The following PGGT1B variants were observed in gnomAD, a reference collection of about 807,000 sequenced individuals.
PGGT1B encodes geranylgeranyl transferase type-1 subunit beta.
PGGT1B carries 30 observed loss-of-function variants against 46.1 expected under a neutral mutation model. The observed-to-expected ratio is 0.65, with a 90% CI of 0.49 to 0.88. The LOEUF is 0.88. Among genes scored for constraint, PGGT1B ranks in the 40% least tolerant of loss-of-function variants. PGGT1B has a pLI of 0.00. For synonymous variants in PGGT1B, 170 were observed against 160.0 expected (o/e 1.06, Z -0.47); for missense variants, 376 against 455.9 (o/e 0.82, Z 1.60).
At chr5:115,253,496 T>C (rs562215526) in intron 1 of PGGT1B, among the ~76,000 whole-genome samples, 11 of 152,062 alleles carry the variant, frequency 7.2e-5, no homozygotes, top group South Asian at 4.1e-4. Flanking sequence ...TCCTACCCCA[T>C]TGACACAAAC....
chr5:115,260,436 G>A (rs1748506358), intron 1 of PGGT1B, among the ~76,000 whole-genome samples: 1 of 152,134 alleles, frequency 6.6e-6, no homozygotes, highest in Admixed American at 6.5e-5. Context: ...GGTAAGAGTT[G>A]TGGCTTGCCC....
At chr5:115,261,932 C>T (rs1456455521) in intron 1 of PGGT1B, among the ~76,000 whole-genome samples, 2 of 152,198 alleles carry the variant, frequency 1.3e-5, no homozygotes, top group African/African-American at 4.8e-5. Context: ...CAAAGCTCCC[C>T]AAACTGATCC....
chr5:115,217,523 A>G (rs774913163), intron 7 of PGGT1B, among the ~76,000 whole-genome samples: 33 of 152,188 alleles, frequency 2.2e-4, no homozygotes, highest in South Asian at 6.2e-4. Flanking sequence ...ATGATTTAGG[A>G]CATGTACTTG....
Position 115,253,208 on chromosome 5 carries a change from G to C in PGGT1B, c.188C>G (p.Ser63Cys), listed in dbSNP as rs1292493379. 3.1e-6 allele frequency: 5 copies of C among 1,599,890 alleles called. No individual in the cohort carries two copies. In the Admixed American group the frequency reaches 7.1e-5, roughly 23 times the overall value. ...FALSGLDMLD[S>C]LDVVNKDDII... ...ATCATCTTTGTTCACCACATCTAAG[G>C]AATCCAACATATCCAGCCCGGAGAG... The change falls in exon 2 of 9, where the codon TCC becomes TGC. Residue 63 changes from serine to cysteine, a missense_variant. Transcript: ENST00000419445.
rs370657057 is a variant in PGGT1B at position 115,241,620 on chromosome 5, G to A, written c.260-14C>T. ...TTAGATTTGATCCTAGAAAATAAAA[G>A]CATGTGCTTATTTAAAGTACACTTT... is the stretch of plus-strand genomic sequence containing the variant. On this transcript the variant is annotated splice_polypyrimidine_tract_variant and intron_variant, in intron 2 of 8. Coordinates refer to ENST00000419445, the MANE Select transcript of PGGT1B (RefSeq NM_005023.4). 5 of 1,592,458 alleles carry A rather than the reference G, an allele frequency of 3.1e-6. No individual in the cohort carries two copies. In the African/African-American group the frequency reaches 6.8e-5, roughly 22 times the overall value.
chr5:115,213,426 AT>A (rs1006705796), intron 8 of PGGT1B, among the ~76,000 whole-genome samples: 1 of 152,080 alleles, frequency 6.6e-6, no homozygotes, highest in African/African-American at 2.4e-5. Flanking sequence ...ACCAGTCAAA[AT>A]TTTTTTCTAT....
At chr5:115,262,478 G>C in intron 1 of PGGT1B, 2 of 518,794 alleles carry the variant, frequency 3.9e-6, no homozygotes, top group South Asian at 2.6e-5. Context: ...GAAGAAAAGG[G>C]AAGTGAAAAA....
chr5:115,239,380 C>G (rs1051843156), intron 3 of PGGT1B, among the ~76,000 whole-genome samples: 1 of 152,124 alleles, frequency 6.6e-6, no homozygotes, highest in African/African-American at 2.4e-5. Context: ...ACAAATGTAC[C>G]AAGCAAATTT....
At chr5:115,236,229 G>C (rs994360871) in intron 5 of PGGT1B, among the ~76,000 whole-genome samples, 161 bp downstream of exon 5, 1 of 152,036 alleles carries the variant, frequency 6.6e-6, no homozygotes, top group Admixed American at 6.5e-5. Flanking sequence ...TGCACTTTAA[G>C]ATTATTTCTT....
chr5:115,219,240 C>T (rs557488967), intron 7 of PGGT1B, among the ~76,000 whole-genome samples: 37 of 151,948 alleles, frequency 2.4e-4, no homozygotes, highest in Admixed American at 1.1e-3. Flanking sequence ...AGTACTGGCA[C>T]AAGGGCAGCC....
At chr5:115,245,038 T>C (rs1747768480) in intron 2 of PGGT1B, among the ~76,000 whole-genome samples, 1 of 152,202 alleles carries the variant, frequency 6.6e-6, no homozygotes, top group Non-Finnish European at 1.5e-5. Flanking sequence ...AAGGGTATCC[T>C]TTCAAGTTAC....
Position 115,206,906 on chromosome 5 carries a change from A to G in PGGT1B, c.*5496T>C, listed in dbSNP as rs1408766359. The G allele has an allele frequency of 6.6e-6, 1 of 151,782 alleles. No homozygotes were observed. The highest frequency in any genetic ancestry group is 1.5e-5 in the Non-Finnish European group (1 of 67,832). 9.4% of individuals were successfully genotyped at this position (151,782 alleles called of 1,614,324 possible). On this transcript the variant is annotated 3_prime_UTR_variant, in exon 9 of 9. Coordinates refer to ENST00000419445, the MANE Select transcript of PGGT1B (RefSeq NM_005023.4). ...ATGGTTATTCTAGTATGTTCTCTCAAATAACAATATAATTTTTATTGGAAT... is the reference window on the plus strand; with the variant it reads ...ATGGTTATTCTAGTATGTTCTCTCAGATAACAATATAATTTTTATTGGAAT...
In PGGT1B at chr5:115,262,782, G is replaced by C; in HGVS notation, c.70C>G (p.Arg24Gly). Residue 24 changes from arginine to glycine, a missense_variant, in exon 1 of 9, where the codon CGG becomes GGG. Coordinates refer to ENST00000419445, the MANE Select transcript of PGGT1B (RefSeq NM_005023.4). ...EGERLDFLRD[R>G]HVRFFQRCLQ... ...CAGCGCTGGAAAAATCGCACGTGCC[G>C]ATCCCGTAAGAAATCCAGCCGCTCT... 3 of 1,613,360 alleles carry C rather than the reference G, an allele frequency of 1.9e-6. No individual in the cohort carries two copies. The highest frequency in any genetic ancestry group is 2.5e-6 in the Non-Finnish European group (3 of 1,179,848).
intron 3 of PGGT1B, among the ~76,000 whole-genome samples, chr5:115,240,385 T>C (rs541834825): frequency 1.3e-5 from 2 of 152,356 alleles, no homozygotes; most frequent in South Asian, 2.1e-4. Flanking sequence ...TATAGTACTA[T>C]ATAACGGTCA....
At position 115,207,645 on chromosome 5, in the gene PGGT1B, A is replaced by G. The variant is rs1308616944; in HGVS notation, c.*4757T>C. ...GATATTTTTATGTAAATTGTATTTAATAGCTACTTTACTAAGTTCTTTTAT... is the reference window on the plus strand; with the variant it reads ...GATATTTTTATGTAAATTGTATTTAGTAGCTACTTTACTAAGTTCTTTTAT... On this transcript the variant is annotated 3_prime_UTR_variant, in exon 9 of 9. Transcript: ENST00000419445. 3 of 152,048 alleles carry G rather than the reference A, an allele frequency of 2.0e-5. No homozygotes were observed. Among genetic ancestry groups the G allele is most frequent in the African/African-American group, 7.2e-5 (3 of 41,430 alleles). 9.4% of individuals were successfully genotyped at this position (152,048 alleles called of 1,614,324 possible). A position where few individuals can be genotyped will look rare whatever the true frequency, so the allele number is the denominator to read the frequency against.
In PGGT1B at chr5:115,205,013, T is replaced by A. The variant is rs890372307; in HGVS notation, c.*7389A>T. On this transcript the variant is annotated 3_prime_UTR_variant, in exon 9 of 9. Transcript: ENST00000419445. ...AATTGCTGAAACTTAAATGACAAGA[T>A]GAAAATCCATTAACAGGCTAGCATA... 1 of 152,172 alleles carries A rather than the reference T, an allele frequency of 6.6e-6. No individual in the cohort carries two copies. The highest frequency in any genetic ancestry group is 2.4e-5 in the African/African-American group (1 of 41,462). The allele number at this position is 152,172 out of a possible 1,614,324, so 9.4% of individuals were successfully genotyped here. A position where few individuals can be genotyped will look rare whatever the true frequency, so the allele number is the denominator to read the frequency against.
chr5:115,220,431 G>A (rs1756552951), intron 7 of PGGT1B, among the ~76,000 whole-genome samples: 1 of 151,766 alleles, frequency 6.6e-6, no homozygotes, highest in Admixed American at 6.6e-5. Context: ...CAGAGGAGAG[G>A]TTACCAGGCT....
At chr5:115,231,975 T>G (rs1561476596) in intron 5 of PGGT1B, among the ~76,000 whole-genome samples, 1 of 152,060 alleles carries the variant, frequency 6.6e-6, no homozygotes, top group Non-Finnish European at 1.5e-5. Flanking sequence ...CTGTTAGGAA[T>G]TGGTCATTGC....
At position 115,204,621 on chromosome 5, in the gene PGGT1B, A is replaced by C. The variant is rs1312532508; in HGVS notation, c.*7781T>G. 1.3e-5 allele frequency: 2 copies of C among 152,176 alleles called. No homozygotes were observed. The highest frequency in any genetic ancestry group is 2.9e-5 in the Non-Finnish European group (2 of 68,024). The allele number at this position is 152,176 out of a possible 1,614,324, so 9.4% of individuals were successfully genotyped here. A position where few individuals can be genotyped will look rare whatever the true frequency, so the allele number is the denominator to read the frequency against. On this transcript the variant is annotated 3_prime_UTR_variant, in exon 9 of 9. Coordinates refer to ENST00000419445, the MANE Select transcript of PGGT1B (RefSeq NM_005023.4). ...GGTGTCACAAAGGATATGAGGAAAC[A>C]GGCACTCTCATACCTTGTTGTTGAG...
Sources: allele counts gnomAD v4.1 joint callset (sites outside exome capture counted in the v4.1 genomes callset), GRCh38; gene constraint gnomAD v4.1.1; transcripts MANE v1.5; gene names NCBI Gene and HGNC (gene_info 2026-07-23, HGNC 2026-07-21).